The following NEDD4 variants were observed in gnomAD, a reference collection of about 807,000 sequenced individuals.
The protein encoded by NEDD4 is E3 ubiquitin-protein ligase NEDD4.
NEDD4 carries 99 observed loss-of-function variants against 144.9 expected under a neutral mutation model. The ratio of observed to expected loss-of-function variants is 0.68; its 90% CI spans 0.58 to 0.81. The LOEUF (loss-of-function observed/expected upper bound fraction) is 0.81. Ranked by LOEUF, NEDD4 falls within the 30% of genes least tolerant of loss-of-function variation. The probability of loss-of-function intolerance (pLI) is 0.00; values close to 1 mark genes in which losing one functional copy is unlikely to be tolerated. For synonymous variants in NEDD4, 318 were observed against 350.6 expected, an observed-to-expected ratio of 0.91 and a Z score of 1.04; for missense variants, 985 against 1,065.9, an observed-to-expected ratio of 0.92 and a Z score of 1.06.
Position 55,951,495 on chromosome 15 carries a change from T to A in NEDD4, c.198+16A>T. 1 of 1,503,170 alleles carries A rather than the reference T, an allele frequency of 6.7e-7. No individual in the cohort carries two copies. Among genetic ancestry groups the A allele is most frequent in the Admixed American group, 2.5e-5 (1 of 40,600 alleles). 93.1% of individuals were successfully genotyped at this position (1,503,170 alleles called of 1,614,324 possible). On this transcript the variant is annotated intron_variant, in intron 3 of 28. Transcript: ENST00000435532. ...ACAAAGTACATTAAAAACTTTTGAATATTGCTAAGTCTAACCTTTTTAATG... is the reference window on the plus strand; with the variant it reads ...ACAAAGTACATTAAAAACTTTTGAAAATTGCTAAGTCTAACCTTTTTAATG...
chr15:55,979,070 T>C (rs1001508124), intron 1 of NEDD4, among the ~76,000 whole-genome samples: 19 of 151,572 alleles, frequency 1.3e-4, no homozygotes, highest in African/African-American at 4.6e-4. Context: ...TTTTTAAAAA[T>C]ATATATATAT....
chr15:55,912,293 A>T (rs2036299765), intron 5 of NEDD4, among the ~76,000 whole-genome samples: 1 of 152,210 alleles, frequency 6.6e-6, no homozygotes, highest in Non-Finnish European at 1.5e-5. Context: ...TAGGAAGAAC[A>T]ATAAAATAAG....
chr15:55,881,784 A>G (rs976934533), intron 5 of NEDD4, among the ~76,000 whole-genome samples: 12 of 152,184 alleles, frequency 7.9e-5, no homozygotes, highest in Non-Finnish European at 1.3e-4. Flanking sequence ...CTGTCACTAG[A>G]GTAATACAGG....
intron 12 of NEDD4, among the ~76,000 whole-genome samples, chr15:55,854,279 T>A (rs982879472): frequency 2.6e-5 from 4 of 152,136 alleles, no homozygotes; most frequent in African/African-American, 9.7e-5. Flanking sequence ...GTCTCTACAA[T>A]GAAGACACCA....
chr15:55,982,004 C>T (rs1194112559), intron 1 of NEDD4, among the ~76,000 whole-genome samples: 1 of 152,146 alleles, frequency 6.6e-6, no homozygotes, highest in Non-Finnish European at 1.5e-5. Context: ...TGTGATAACA[C>T]CATATCTGTT....
At chr15:55,902,848 G>A (rs2035954564) in intron 5 of NEDD4, among the ~76,000 whole-genome samples, 1 of 151,940 alleles carries the variant, frequency 6.6e-6, no homozygotes, top group Non-Finnish European at 1.5e-5. Flanking sequence ...ATATTTGAGA[G>A]AAATTAGGTC....
chr15:55,993,309 C>T (rs944932692), intron 1 of NEDD4, among the ~76,000 whole-genome samples: 1 of 152,158 alleles, frequency 6.6e-6, no homozygotes, highest in African/African-American at 2.4e-5. Context: ...GACAAGCTTG[C>T]TCCCTCCAGC....
chr15:55,837,344 T>G (rs1253396916), intron 24 of NEDD4, among the ~76,000 whole-genome samples: 11 of 151,328 alleles, frequency 7.3e-5, no homozygotes, highest in African/African-American at 2.7e-4. Flanking sequence ...GCAGGAGAAT[T>G]GCTTGAACCT....
intron 26 of NEDD4, among the ~76,000 whole-genome samples, chr15:55,833,660 C>CA (rs2033063523): frequency 6.6e-6 from 1 of 151,974 alleles, no homozygotes; most frequent in African/African-American, 2.4e-5. Flanking sequence ...GACTCCATCT[C>CA]AAAAAACACA....
intron 5 of NEDD4, chr15:55,915,590 C>T: frequency 6.2e-7 from 1 of 1,613,922 alleles, no homozygotes; most frequent in Non-Finnish European, 8.5e-7. Context: ...TATGCATGAG[C>T]TTAATATACT....
chr15:55,913,776 A>C (rs1214353602), intron 5 of NEDD4, among the ~76,000 whole-genome samples: 2 of 152,042 alleles, frequency 1.3e-5, no homozygotes, highest in African/African-American at 4.8e-5. Context: ...AAGCATCCAC[A>C]ACAAACTATA....
At chr15:55,869,550 A>T (rs756704044) in intron 8 of NEDD4, 29 bp downstream of exon 8, 35 of 1,370,334 alleles carry the variant, frequency 2.6e-5, no homozygotes, top group Non-Finnish European at 3.4e-5. Flanking sequence ...AAATTTTTTT[A>T]GTTTAACCAA....
At chr15:55,923,430 G>A (rs1025375012) in intron 5 of NEDD4, among the ~76,000 whole-genome samples, 7 of 151,774 alleles carry the variant, frequency 4.6e-5, no homozygotes, top group South Asian at 4.2e-4. Flanking sequence ...GGCGGATCAC[G>A]AGATCAGGAG....
intron 2 of NEDD4, among the ~76,000 whole-genome samples, chr15:55,960,437 C>T (rs1336691398): frequency 1.3e-5 from 2 of 152,300 alleles, no homozygotes; most frequent in Admixed American, 1.3e-4. Flanking sequence ...TGCCCTCGAA[C>T]ATCAGACTCC....
intron 5 of NEDD4, chr15:55,917,017 C>T (rs1441996167): frequency 3.8e-6 from 5 of 1,317,178 alleles, no homozygotes; most frequent in East Asian, 2.7e-5. Flanking sequence ...AAGAAAAAGA[C>T]GACCCATTCC....
chr15:55,878,171 T>C (rs2035059000), intron 5 of NEDD4, among the ~76,000 whole-genome samples: 3 of 152,130 alleles, frequency 2.0e-5, no homozygotes, highest in Admixed American at 2.0e-4. Context: ...GAAAAAATAA[T>C]CAGGTATACA....
intron 4 of NEDD4, among the ~76,000 whole-genome samples, chr15:55,932,467 G>T (rs1371941726): frequency 6.6e-6 from 1 of 152,062 alleles, no homozygotes; most frequent in East Asian, 1.9e-4. Flanking sequence ...GCTAGCCATA[G>T]GTAGAAAGCT....
At chr15:55,840,100 A>C (rs2033434272) in intron 21 of NEDD4, among the ~76,000 whole-genome samples, 2 of 143,682 alleles carry the variant, frequency 1.4e-5, no homozygotes, top group African/African-American at 5.2e-5. Flanking sequence ...ATAACTTGGT[A>C]TAACCTATTG....
Position 55,860,755 on chromosome 15 carries a change from T to C in NEDD4, c.698A>G (p.Asn233Ser), listed in dbSNP as rs1336679972. The C allele has an allele frequency of 1.2e-6, 2 of 1,614,166 alleles. No individual in the cohort carries two copies. Among genetic ancestry groups the C allele is most frequent in the Non-Finnish European group, 1.7e-6 (2 of 1,179,990 alleles). ...TTGTGCTTGCAGTTGAATGTTGCCATTCTCAGCATCTGTTAGGTTGTCCCT... is the reference window on the plus strand; with the variant it reads ...TTGTGCTTGCAGTTGAATGTTGCCACTCTCAGCATCTGTTAGGTTGTCCCT... ...TPQDNLTDAE[N>S]GNIQLQAQRA... Residue 233 changes from asparagine (N) to serine (S), a missense_variant, in exon 10 of 29, where the codon AAT becomes AGT. Physicochemically the swap from Asn to Ser is conservative, Grantham distance 46. Transcript: ENST00000435532.
Sources: allele counts gnomAD v4.1 joint callset (sites outside exome capture counted in the v4.1 genomes callset), GRCh38; gene constraint gnomAD v4.1.1; transcripts MANE v1.5; gene names NCBI Gene and HGNC (gene_info 2026-07-23, HGNC 2026-07-21).